The following KCTD20 variants were observed in gnomAD, a reference collection of about 807,000 sequenced individuals.
KCTD20 encodes the protein potassium channel tetramerization domain containing 20.
A neutral mutation model predicts 39.6 loss-of-function variants in KCTD20; 30 were observed. The observed-to-expected ratio is 0.76, with a 90% CI of 0.57 to 1.03. The LOEUF (loss-of-function observed/expected upper bound fraction) is 1.03, where lower values mean the gene tolerates loss of function less well. Ranked by LOEUF, KCTD20 falls within the 50% of genes least tolerant of loss-of-function variation. The probability of loss-of-function intolerance (pLI) is 0.00; values close to 1 mark genes in which losing one functional copy is unlikely to be tolerated. For synonymous variants in KCTD20, 162 were observed against 180.6 expected, an observed-to-expected ratio of 0.90 and a Z score of 0.83; for missense variants, 422 against 522.0, an observed-to-expected ratio of 0.81 and a Z score of 1.87.
intron 6 of KCTD20, among the ~76,000 whole-genome samples, chr6:36,484,285 G>C (rs371258969): frequency 6.6e-6 from 1 of 152,090 alleles, no homozygotes; most frequent in Non-Finnish European, 1.5e-5. Context: ...TTTGTTAATA[G>C]TGTTTGTGCC....
At chr6:36,470,752 C>T (rs975716049) in intron 2 of KCTD20, among the ~76,000 whole-genome samples, 4 of 152,166 alleles carry the variant, frequency 2.6e-5, no homozygotes, top group African/African-American at 9.7e-5. Context: ...AGGTGGGTAC[C>T]ACCACACCCA....
chr6:36,487,303 A>C lies in KCTD20; in HGVS notation c.*128A>C. 1.1e-6 allele frequency: 1 copy of C among 910,430 alleles called. No individual in the cohort carries two copies. The highest frequency in any genetic ancestry group is 1.7e-6 in the Non-Finnish European group (1 of 591,882). 56.4% of individuals were successfully genotyped at this position (910,430 alleles called of 1,614,324 possible). On this transcript the variant is annotated 3_prime_UTR_variant, in exon 8 of 8. Coordinates refer to ENST00000373731, the MANE Select transcript of KCTD20 (RefSeq NM_173562.5). Reference sequence around the variant, plus strand: ...CTCCCCTAACCTTTTCCTTTCTGCCATAATTAACATATGTCCTTTTCAGTA... The same window carrying C: ...CTCCCCTAACCTTTTCCTTTCTGCCCTAATTAACATATGTCCTTTTCAGTA...
intron 1 of KCTD20, among the ~76,000 whole-genome samples, chr6:36,466,384 C>CTTTT (rs397745312): frequency 1.4e-5 from 2 of 138,720 alleles, no homozygotes; most frequent in African/African-American, 2.7e-5. Flanking sequence ...CTTTTTTTCT[C>CTTTT]TTTTTTTTTT....
intron 1 of KCTD20, among the ~76,000 whole-genome samples, chr6:36,452,936 G>T (rs1775306127): frequency 6.7e-6 from 1 of 149,698 alleles, no homozygotes; most frequent in Non-Finnish European, 1.5e-5. Context: ...ATTCAAAGTT[G>T]TGCAGACATT....
Position 36,470,276 on chromosome 6 carries a change from G to C in KCTD20, c.160+19G>C. ...AATGAAGGTACAGTGATTAACTCTT[G>C]ACTTAATTTGGGGGGCTTTCCAATA... On this transcript the variant is annotated intron_variant, in intron 2 of 7. Coordinates refer to ENST00000373731, the MANE Select transcript of KCTD20 (RefSeq NM_173562.5). 6.3e-7 allele frequency: 1 copy of C among 1,577,074 alleles called. No homozygotes were observed. The highest frequency in any genetic ancestry group is 8.6e-7 in the Non-Finnish European group (1 of 1,156,326).
At chr6:36,481,008 C>G (rs139725234) in intron 5 of KCTD20, among the ~76,000 whole-genome samples, 117 of 152,354 alleles carry the variant, frequency 7.7e-4, no homozygotes, top group Non-Finnish European at 1.5e-3. Flanking sequence ...GATTGTCTGA[C>G]TGCAAACTCC....
intron 3 of KCTD20, among the ~76,000 whole-genome samples, chr6:36,477,221 TGAGA>T (rs1252863975): frequency 1.3e-5 from 2 of 152,196 alleles, no homozygotes; most frequent in South Asian, 2.1e-4. Context: ...GGGGAGAAGC[TGAGA>T]GAAAGAGAAT....
intron 1 of KCTD20, among the ~76,000 whole-genome samples, chr6:36,461,259 A>T (rs1437709085): frequency 6.6e-6 from 1 of 152,184 alleles, no homozygotes; most frequent in Non-Finnish European, 1.5e-5. Context: ...GGACCTTTTT[A>T]TGTATACTAT....
chr6:36,471,862 T>C (rs1775919089), intron 2 of KCTD20, among the ~76,000 whole-genome samples: 1 of 151,896 alleles, frequency 6.6e-6, no homozygotes, highest in Non-Finnish European at 1.5e-5. Context: ...TTTTTTTTTT[T>C]TTTTTAGACG....
intron 1 of KCTD20, among the ~76,000 whole-genome samples, chr6:36,446,896 T>A (rs1202401518): frequency 6.6e-6 from 1 of 152,196 alleles, no homozygotes; most frequent in Non-Finnish European, 1.5e-5. Context: ...TTAGTATACG[T>A]TCTATACCAG....
intron 1 of KCTD20, among the ~76,000 whole-genome samples, chr6:36,448,910 C>T (rs1298588892): frequency 6.6e-6 from 1 of 152,014 alleles, no homozygotes; most frequent in Non-Finnish European, 1.5e-5. Flanking sequence ...CAGACCTTCT[C>T]AGTGAGTGTT....
rs751169040 is a variant in KCTD20, at chr6:36,479,634, C to T, written c.581C>T (p.Ser194Phe). 2.0e-5 allele frequency: 33 copies of T among 1,609,816 alleles called. No homozygotes were observed. The highest frequency in any genetic ancestry group is 3.3e-5 in the Admixed American group (2 of 59,954). The part of the protein sequence containing the change: ...TGIINCPDGI[S>F]IPDLRDTCDY... ...ATCATCAATTGTCCTGATGGCATCT[C>T]TATCCCAGATCTTAGAGATACTTGT... is the stretch of plus-strand genomic sequence containing the variant. The change falls in exon 5 of 8, where the codon TCT (serine) becomes TTT (phenylalanine). Residue 194 changes from serine to phenylalanine, a missense_variant. By Grantham distance (155) the Ser-to-Phe change is radical. Transcript: ENST00000373731.
chr6:36,487,760 G>T lies in KCTD20; in HGVS notation c.*585G>T, dbSNP rs1219897151. On this transcript the variant is annotated 3_prime_UTR_variant, in exon 8 of 8. Coordinates refer to ENST00000373731, the MANE Select transcript of KCTD20 (RefSeq NM_173562.5). ...TTCTTAAGAGCTTAAATTCAGATTT[G>T]TGTCTCATTAATGCAGTGAACAATT... 1 of 152,384 alleles carries T rather than the reference G, an allele frequency of 6.6e-6. No homozygotes were observed. The highest frequency in any genetic ancestry group is 2.4e-5 in the African/African-American group (1 of 41,444). The allele number at this position is 152,384 out of a possible 1,614,324, so 9.4% of individuals were successfully genotyped here. A position where few individuals can be genotyped will look rare whatever the true frequency, so the allele number is the denominator to read the frequency against.
At chr6:36,449,181 C>G (rs145707428) in intron 1 of KCTD20, among the ~76,000 whole-genome samples, 2 of 152,174 alleles carry the variant, frequency 1.3e-5, no homozygotes, top group African/African-American at 4.8e-5. Context: ...TGGCCCTGTC[C>G]GTGTCCTGCT....
chr6:36,455,560 C>CT (rs1381116602), intron 1 of KCTD20, among the ~76,000 whole-genome samples: 12 of 151,942 alleles, frequency 7.9e-5, no homozygotes, highest in Non-Finnish European at 1.8e-4. Flanking sequence ...TTTGCTTTCT[C>CT]TATTAGCGTT....
chr6:36,455,666 C>T (rs1317906657), intron 1 of KCTD20, among the ~76,000 whole-genome samples: 1 of 152,070 alleles, frequency 6.6e-6, no homozygotes, highest in Non-Finnish European at 1.5e-5. Flanking sequence ...AATTGGTTCA[C>T]ACTATGTTGG....
rs11450552 is a variant in KCTD20 at position 36,484,826 on chromosome 6, TAA to T, written c.967+17_967+18del. On this transcript the variant is annotated splice_donor_region_variant and intron_variant, in intron 7 of 7. Transcript: ENST00000373731. The stretch of plus-strand genomic sequence containing the variant: ...AAAACATTCGCATTGGAATTGAAGG[TAA>T]AAAAAAAAAAAAAATCCCAGTCAAC... The T allele has an allele frequency of 0.024, 29,358 of 1,245,212 alleles. No individual in the cohort carries two copies. Among genetic ancestry groups the T allele is most frequent in the South Asian group, 0.031 (2,312 of 73,574 alleles). 77.1% of individuals were successfully genotyped at this position (1,245,212 alleles called of 1,614,324 possible).
In KCTD20 at chr6:36,484,804, A is replaced by G; in HGVS notation, c.947A>G (p.Asn316Ser). 2.5e-6 allele frequency: 4 copies of G among 1,599,054 alleles called. No homozygotes were observed. Among genetic ancestry groups the G allele is most frequent in the Non-Finnish European group, 3.4e-6 (4 of 1,169,118 alleles). ...GTGTTAAAGGAACGGGGCCTAAAAA[A>G]CATTCGCATTGGAATTGAAGGTAAA... ...KTVLKERGLK[N>S]IRIGIEGYPT... Residue 316 changes from asparagine to serine, a missense_variant, in exon 7 of 8, where the codon AAC (asparagine) becomes AGC (serine). Transcript: ENST00000373731.
chr6:36,462,794 T>C (rs893126326), intron 1 of KCTD20, among the ~76,000 whole-genome samples: 2 of 152,250 alleles, frequency 1.3e-5, no homozygotes, highest in Non-Finnish European at 2.9e-5. Flanking sequence ...AGATACTTAC[T>C]ACCTCACTCC....
Sources: allele counts gnomAD v4.1 joint callset (sites outside exome capture counted in the v4.1 genomes callset), GRCh38; gene constraint gnomAD v4.1.1; transcripts MANE v1.5; gene names NCBI Gene and HGNC (gene_info 2026-07-23, HGNC 2026-07-21).